Variants in HSDL1 observed in about 807,000 individuals in gnomAD.
HSDL1 encodes the protein hydroxysteroid dehydrogenase like 1.
A neutral mutation model predicts 31.5 loss-of-function variants in HSDL1; 29 were observed. The observed-to-expected ratio is 0.92, with a 90% CI of 0.69 to 1.26. HSDL1 has a LOEUF of 1.26. Ranked by LOEUF, HSDL1 falls within the 50% of genes most tolerant of loss-of-function variation. HSDL1 has a pLI of 0.00. For synonymous variants in HSDL1, 222 were observed against 155.2 expected, an observed-to-expected ratio of 1.43 and a Z score of -3.20; for missense variants, 503 against 416.6, an observed-to-expected ratio of 1.21 and a Z score of -1.81.
In HSDL1 at chr16:84,123,697, G is replaced by A. The variant is rs745427964; in HGVS notation, c.*933C>T. On this transcript the variant is annotated 3_prime_UTR_variant, in exon 6 of 6. Transcript: ENST00000219439. ...ATGGAATAATATTACATAGAAAAAC[G>A]TAGGAAAACCAGATATAACAAGCTC... 5 of 152,474 alleles carry A rather than the reference G, an allele frequency of 3.3e-5. No homozygotes were observed. Among genetic ancestry groups the A allele is most frequent in the Non-Finnish European group, 7.4e-5 (5 of 68,010 alleles). 9.4% of individuals were successfully genotyped at this position (152,474 alleles called of 1,614,324 possible). A position where few individuals can be genotyped will look rare whatever the true frequency, so the allele number is the denominator to read the frequency against.
intron 5 of HSDL1, 145 bp downstream of exon 5, chr16:84,129,403 A>G: frequency 1.5e-6 from 1 of 654,330 alleles, no homozygotes; most frequent in Non-Finnish European, 2.6e-6. Context: ...AAGAAAATTT[A>G]GTGTCTTAAC....
In HSDL1 at chr16:84,129,858, A is replaced by G. The variant is rs1268625405; in HGVS notation, c.667-83T>C. 3 of 1,421,388 alleles carry G rather than the reference A, an allele frequency of 2.1e-6. No individual in the cohort carries two copies. In the African/African-American group the frequency reaches 4.3e-5, roughly 20 times the overall value. 88.0% of individuals were successfully genotyped at this position (1,421,388 alleles called of 1,614,324 possible). ...GAGAAAAAAAGACTTGCTTATTATC[A>G]ATTCAGGAAAAAATACAGGATAAGC... On this transcript the variant is annotated intron_variant, in intron 4 of 5. Transcript: ENST00000219439.
At chr16:84,130,895 G>C (rs2086657631) in intron 3 of HSDL1, 1 of 575,184 alleles carries the variant, frequency 1.7e-6, no homozygotes, top group Non-Finnish European at 3.1e-6. Context: ...GGAGAGAGCA[G>C]AATAGGAAGG....
intron 5 of HSDL1, among the ~76,000 whole-genome samples, chr16:84,129,244 G>A (rs1483191899): frequency 1.3e-5 from 2 of 152,016 alleles, no homozygotes; most frequent in African/African-American, 2.4e-5. Flanking sequence ...GCCAGGCGTG[G>A]TGGCAGGTGC....
chr16:84,130,155 G>C lies in HSDL1; in HGVS notation c.497C>G (p.Ser166Cys), dbSNP rs1318728444. 2.5e-6 allele frequency: 4 copies of C among 1,614,062 alleles called. No individual in the cohort carries two copies. The change falls in exon 4 of 6, where the codon TCC becomes TGC. Residue 166 changes from serine to cysteine, a missense_variant. Ser to Cys is a moderately radical substitution (Grantham distance 112, BLOSUM62 -1). Transcript: ENST00000219439. ...YPYPQYFTQL[S>C]EDKLWDIINV... ...TATGATGTCCCAGAGCTTGTCCTCG[G>C]ACAGCTGAGTGAAATACTGCGGGTA... is the stretch of plus-strand genomic sequence containing the variant.
At chr16:84,140,643 C>T (rs2086757402) in intron 1 of HSDL1, among the ~76,000 whole-genome samples, 1 of 152,272 alleles carries the variant, frequency 6.6e-6, no homozygotes, top group Admixed American at 6.5e-5. Flanking sequence ...CACTTAGCCA[C>T]CAGCCTACTT....
At chr16:84,130,525 A>G in intron 3 of HSDL1, 94 bp from the exon 4 acceptor site, 7 of 1,010,312 alleles carry the variant, frequency 6.9e-6, no homozygotes, top group Non-Finnish European at 1.0e-5. Context: ...TAGTCAGAGA[A>G]AAATTCACAC....
At chr16:84,140,806 C>G (rs2086759351) in intron 1 of HSDL1, among the ~76,000 whole-genome samples, 1 of 152,082 alleles carries the variant, frequency 6.6e-6, no homozygotes, top group Non-Finnish European at 1.5e-5. Context: ...TATTCTGAAA[C>G]AGTAACAGTA....
chr16:84,139,878 T>C (rs1048542899), intron 1 of HSDL1, among the ~76,000 whole-genome samples: 2 of 149,972 alleles, frequency 1.3e-5, no homozygotes, highest in East Asian at 1.9e-4. Context: ...CGATGGCTGT[T>C]TTCATTGATG....
At chr16:84,134,642 A>G (rs573675045) in intron 2 of HSDL1, among the ~76,000 whole-genome samples, 1 of 152,262 alleles carries the variant, frequency 6.6e-6, no homozygotes, top group African/African-American at 2.4e-5. Flanking sequence ...AACAAAAAAA[A>G]CAACCGAGAT....
At chr16:84,138,654 A>G (rs1306830385) in intron 1 of HSDL1, among the ~76,000 whole-genome samples, 1 of 152,234 alleles carries the variant, frequency 6.6e-6, no homozygotes, top group Non-Finnish European at 1.5e-5. Flanking sequence ...AAAATTTTTA[A>G]GCTTTGTTTT....
intron 2 of HSDL1, among the ~76,000 whole-genome samples, chr16:84,134,289 A>G (rs1364736594): frequency 6.6e-6 from 1 of 152,132 alleles, no homozygotes; most frequent in African/African-American, 2.4e-5. Context: ...GGACTCCCAA[A>G]GACAGGCCCA....
At chr16:84,141,079 A>T (rs2086764730) in intron 1 of HSDL1, among the ~76,000 whole-genome samples, 1 of 149,742 alleles carries the variant, frequency 6.7e-6, no homozygotes, top group African/African-American at 2.6e-5. Flanking sequence ...CGACAGAACG[A>T]GACTCCGTCT....
chr16:84,131,239 A>C lies in HSDL1; in HGVS notation c.83T>G (p.Val28Gly). Reference protein sequence around the residue: ...CNCYMEALALVGAWYTARKSI... With the variant: ...CNCYMEALALGGAWYTARKSI... ...TTTTCTGGCCGTATACCAGGCTCCA[A>C]CCAAAGCTAGAGCTTCCATATAGCA... Residue 28 changes from valine to glycine, a missense_variant, in exon 3 of 6, where the codon GTT becomes GGT. Val to Gly is a moderately radical substitution (Grantham distance 109, BLOSUM62 -3). Coordinates refer to ENST00000219439, the MANE Select transcript of HSDL1 (RefSeq NM_031463.5). 1 of 1,614,190 alleles carries C rather than the reference A, an allele frequency of 6.2e-7. No homozygotes were observed. The highest frequency in any genetic ancestry group is 8.5e-7 in the Non-Finnish European group (1 of 1,180,012).
chr16:84,135,234 A>C (rs181234102), intron 2 of HSDL1, among the ~76,000 whole-genome samples: 2 of 149,550 alleles, frequency 1.3e-5, no homozygotes, highest in African/African-American at 5.1e-5. Flanking sequence ...CTCCGTCTCA[A>C]AAAAGAAAAA....
intron 1 of HSDL1, among the ~76,000 whole-genome samples, chr16:84,137,013 A>C (rs770168840): frequency 1.2e-4 from 18 of 145,556 alleles, no homozygotes; most frequent in Admixed American, 7.5e-4. Context: ...CACTGGTCCT[A>C]CAGTCTCTCG....
intron 4 of HSDL1, 76 bp downstream of exon 4, chr16:84,129,910 A>T: frequency 6.6e-7 from 1 of 1,506,820 alleles, no homozygotes; most frequent in Admixed American, 1.9e-5. Context: ...CAAAGAGTTC[A>T]ACAAATCAGA....
chr16:84,127,537 T>A (rs1334820275), intron 5 of HSDL1, among the ~76,000 whole-genome samples: 1 of 151,384 alleles, frequency 6.6e-6, no homozygotes, highest in African/African-American at 2.4e-5. Flanking sequence ...TTCTTATTAA[T>A]CTCTCACTTT....
intron 5 of HSDL1, among the ~76,000 whole-genome samples, chr16:84,127,187 T>G (rs1218057743): frequency 6.7e-6 from 1 of 149,072 alleles, no homozygotes; most frequent in Non-Finnish European, 1.5e-5. Flanking sequence ...TGGAAACAAC[T>G]ACTTAAATAA....
Sources: allele counts gnomAD v4.1 joint callset (sites outside exome capture counted in the v4.1 genomes callset), GRCh38; gene constraint gnomAD v4.1.1; transcripts MANE v1.5; gene names NCBI Gene and HGNC (gene_info 2026-07-23, HGNC 2026-07-21).